ZNF248: variants seen among roughly 807,000 people sequenced by gnomAD.
ZNF248 encodes the protein zinc finger protein 248, also known as KRAB protein domain.
In ZNF248, 20 loss-of-function variants were observed where a neutral mutation model predicts 44.3. That is an observed-to-expected ratio of 0.45 (90% CI 0.32 to 0.66). ZNF248 has a LOEUF of 0.66. Among genes scored for constraint, ZNF248 ranks in the 30% least tolerant of loss-of-function variants. The pLI is 0.04. For missense variants in ZNF248, 654 were observed against 677.0 expected (o/e 0.97, Z 0.38); for synonymous variants, 224 against 229.0 (o/e 0.98, Z 0.20).
chr10:37,792,949 C>T (rs1044643971), intron 6 of ZNF248, among the ~76,000 whole-genome samples: 6 of 152,054 alleles, frequency 3.9e-5, no homozygotes, highest in African/African-American at 2.4e-5. Flanking sequence ...CTTATTTTGA[C>T]GTATATGCCA....
intron 3 of ZNF248, among the ~76,000 whole-genome samples, chr10:37,842,010 T>G (rs1374566215): frequency 6.6e-6 from 1 of 152,070 alleles, no homozygotes; most frequent in Non-Finnish European, 1.5e-5. Flanking sequence ...AAAATTACAT[T>G]AGGGAAAAAT....
In ZNF248 at chr10:37,831,747, A is replaced by G. The variant is rs2055699798; in HGVS notation, c.1608T>C (p.Thr536=). The part of the protein sequence containing the change: ...GKTFCEKSAL[T]KHQRTHTGEK... ...CCCCTGTGTGAGTCCTCTGATGTTT[A>G]GTGAGAGCTGATTTTTCACAGAAGG... Residue 536 remains threonine, a synonymous_variant, in exon 6 of 6, where the codon ACT becomes ACC. Transcript: ENST00000395867. 1.9e-6 allele frequency: 3 copies of G among 1,613,130 alleles called. No individual in the cohort carries two copies.
At chr10:37,852,572 G>A (rs939249491) in intron 3 of ZNF248, among the ~76,000 whole-genome samples, 5 of 149,578 alleles carry the variant, frequency 3.3e-5, no homozygotes, top group Non-Finnish European at 7.4e-5. Context: ...ATTCTGTAGT[G>A]GATAAACGAA....
chr10:37,759,574 T>C, the ZNF248 span, among the ~76,000 whole-genome samples: 169 of 152,358 alleles, frequency 1.1e-3, 4 homozygotes, highest in Non-Finnish European at 7.3e-4. Flanking sequence ...CATTCATCTC[T>C]GTTAGTCACA....
chr10:37,802,277 G>A lies in ZNF248; in HGVS notation c.331-25702C>T, dbSNP rs192391193. 2.9e-3 allele frequency among the ~76,000 whole-genome samples: 441 copies of A among 152,264 alleles called. 2 individuals are homozygous for A. Among genetic ancestry groups the A allele is most frequent in the African/African-American group, 0.01 (418 of 41,556 alleles). ...TTATAAAGGTAAAGCTGGGGAAGAA[G>A]GAAAGAGAATGAGATCCTGTGCAAC... On this transcript the variant is annotated intron_variant, in intron 6 of 6. Transcript: ENST00000615949.
intron 3 of ZNF248, among the ~76,000 whole-genome samples, chr10:37,852,633 C>T (rs2060480646): frequency 6.6e-6 from 1 of 150,482 alleles, no homozygotes. Flanking sequence ...GACCCTATCT[C>T]TCTCTATATA....
downstream of ZNF248, among the ~76,000 whole-genome samples, chr10:37,824,673 ATTTTTTTTTTTTT>A (rs755411927): frequency 1.3e-5 from 1 of 79,704 alleles, no homozygotes; most frequent in African/African-American, 5.3e-5. Flanking sequence ...ATTATTTTAA[ATTTTTTTTTTTTT>A]TTTTTTTTTT....
At chr10:37,758,868 G>T in the ZNF248 span, among the ~76,000 whole-genome samples, 2 of 152,164 alleles carry the variant, frequency 1.3e-5, no homozygotes, top group Admixed American at 1.3e-4. Context: ...GGGTGTAAAA[G>T]CTATCCTTCC....
At chr10:37,851,978 T>A (rs996433737) in intron 3 of ZNF248, among the ~76,000 whole-genome samples, 1 of 152,104 alleles carries the variant, frequency 6.6e-6, no homozygotes, top group Non-Finnish European at 1.5e-5. Flanking sequence ...CCGGGCGCGG[T>A]GGCTCACGTC....
the ZNF248 span, among the ~76,000 whole-genome samples, chr10:37,765,974 T>C: frequency 2.0e-5 from 3 of 152,226 alleles, no homozygotes; most frequent in Non-Finnish European, 4.4e-5. Flanking sequence ...CACACATGGC[T>C]TGGAGGGTCC....
chr10:37,769,169 T>A, the ZNF248 span, among the ~76,000 whole-genome samples: 1 of 152,108 alleles, frequency 6.6e-6, no homozygotes. Context: ...CCAGAAGGAA[T>A]CACAGCCGAA....
In ZNF248 at chr10:37,820,834, T is replaced by C. The variant is rs1314279147; in HGVS notation, c.330+12191A>G. 4.2e-6 allele frequency: 5 copies of C among 1,190,922 alleles called. No individual in the cohort carries two copies. In the East Asian group the frequency reaches 7.0e-5, roughly 17 times the overall value. The allele number at this position is 1,190,922 out of a possible 1,614,324, so 73.8% of individuals were successfully genotyped here. Reference sequence around the variant, plus strand: ...TCCTGATTTTCCAACTCTTGAATATTTCCCATTCTGTTTTGCATGTATTTA... The same window carrying C: ...TCCTGATTTTCCAACTCTTGAATATCTCCCATTCTGTTTTGCATGTATTTA... On this transcript the variant is annotated intron_variant, in intron 6 of 6. Coordinates refer to the ZNF248 transcript ENST00000615949.
Position 37,808,323 on chromosome 10 carries a change from G to A in ZNF248, c.330+24702C>T, listed in dbSNP as rs139695387. Reference sequence around the variant, plus strand: ...GACAGAATCTCGCTCTGTCACCCAGGCTGGAGTGGAGTGCAGGGATGTGAT... The same window carrying A: ...GACAGAATCTCGCTCTGTCACCCAGACTGGAGTGGAGTGCAGGGATGTGAT... On this transcript the variant is annotated intron_variant, in intron 6 of 6. Coordinates refer to the ZNF248 transcript ENST00000615949. Among the ~76,000 whole-genome samples, 544 of 150,916 alleles carry A rather than the reference G, an allele frequency of 3.6e-3. 4 individuals are homozygous for A. The highest frequency in any genetic ancestry group is 0.013 in the African/African-American group (537 of 41,020).
rs889857944 is a variant in ZNF248 at position 37,837,929 on chromosome 10, G to A, written c.142+56C>T. On this transcript the variant is annotated intron_variant, in intron 4 of 5. Transcript: ENST00000395867. ...AAGCTTTACATCAGAAAACTACAGG[G>A]CATCAACTAGTAAATGCATGCTATT... 20 of 1,585,218 alleles carry A rather than the reference G, an allele frequency of 1.3e-5. No homozygotes were observed. In the African/African-American group the frequency reaches 2.4e-4, roughly 19 times the overall value.
intron 6 of ZNF248, among the ~76,000 whole-genome samples, chr10:37,823,627 G>A (rs147390009): frequency 0.011 from 1,696 of 152,022 alleles, 36 homozygotes; most frequent in African/African-American, 0.038. Flanking sequence ...AGGCTGGAGG[G>A]CAGAGGCACG....
At chr10:37,791,042 CTTTTTTT>C (rs869199263) in intron 6 of ZNF248, among the ~76,000 whole-genome samples, 117 of 50,904 alleles carry the variant, frequency 2.3e-3, no homozygotes, top group African/African-American at 5.5e-3. Context: ...TTTGTTATTT[CTTTTTTT>C]TTTTTTTTTT....
the ZNF248 span, among the ~76,000 whole-genome samples, chr10:37,764,973 C>CT: frequency 2.8e-5 from 4 of 143,936 alleles, no homozygotes; most frequent in African/African-American, 5.1e-5. Context: ...TTTTTTTTTT[C>CT]TTTTTTTGAG....
chr10:37,821,388 G>A (rs1212875787), intron 6 of ZNF248, among the ~76,000 whole-genome samples: 1 of 152,124 alleles, frequency 6.6e-6, no homozygotes, highest in African/African-American at 2.4e-5. Flanking sequence ...TAAGTGTGGT[G>A]GATGTATATG....
rs2056280352 is a variant in ZNF248 at position 37,833,082 on chromosome 10, G to A, written c.273C>T (p.Ser91=). The change falls in exon 6 of 6, where the codon AGC becomes AGT. Residue 91 remains serine (S), a synonymous_variant. Coordinates refer to ENST00000395867, the MANE Select transcript of ZNF248 (RefSeq NM_021045.3). The part of the protein sequence containing the change: ...RKWKVDDVLE[S]SQENEDDHFW... ...AATGGTCATCTTCATTTTCCTGGCTGCTCTCTAACACGTCATCAACTTTCC... is the reference window on the plus strand; with the variant it reads ...AATGGTCATCTTCATTTTCCTGGCTACTCTCTAACACGTCATCAACTTTCC... 1 of 1,609,158 alleles carries A rather than the reference G, an allele frequency of 6.2e-7. No homozygotes were observed.
Sources: allele counts gnomAD v4.1 joint callset (sites outside exome capture counted in the v4.1 genomes callset), GRCh38; gene constraint gnomAD v4.1.1; transcripts MANE v1.5; gene names NCBI Gene and HGNC (gene_info 2026-07-23, HGNC 2026-07-21).